Variants in PTPRD observed in about 807,000 individuals in gnomAD.
The protein encoded by PTPRD is protein tyrosine phosphatase receptor type D, also known as receptor-type tyrosine-protein phosphatase delta.
PTPRD carries 34 observed loss-of-function variants against 214.5 expected under a neutral mutation model. The observed-to-expected ratio is 0.16, with a 90% confidence interval of 0.12 to 0.21. The LOEUF (loss-of-function observed/expected upper bound fraction) is 0.21. PTPRD is among the 10% of genes least tolerant of loss of function. The pLI is 1.00. For missense variants in PTPRD, 2,545 were observed against 2,398.7 expected, an observed-to-expected ratio of 1.06 and a Z score of -1.27; for synonymous variants, 1,128 against 845.7, an observed-to-expected ratio of 1.33 and a Z score of -5.79.
intron 2 of PTPRD, among the ~76,000 whole-genome samples, chr9:10,507,131 C>A (rs1401412341): frequency 6.6e-6 from 1 of 152,070 alleles, no homozygotes; most frequent in African/African-American, 2.4e-5. Context: ...GCAAAAATCA[C>A]AAGCATTCTT....
intron 2 of PTPRD, among the ~76,000 whole-genome samples, chr9:10,439,966 G>A (rs992404607): frequency 3.3e-5 from 5 of 151,242 alleles, no homozygotes; most frequent in African/African-American, 1.2e-4. Flanking sequence ...GTAATATAAC[G>A]TTTGCATAAA....
At chr9:9,200,653 C>T (rs2099941326) in intron 9 of PTPRD, among the ~76,000 whole-genome samples, 1 of 152,180 alleles carries the variant, frequency 6.6e-6, no homozygotes, top group Admixed American at 6.5e-5. Flanking sequence ...CTCAGCAAAA[C>T]AATTGTAAAT....
chr9:8,746,352 C>T (rs1003059944), intron 11 of PTPRD, among the ~76,000 whole-genome samples: 3 of 152,110 alleles, frequency 2.0e-5, no homozygotes, highest in South Asian at 2.1e-4. Flanking sequence ...TAATAAAGTA[C>T]GAAAATTTCC....
chr9:9,748,794 G>C (rs564781355), intron 6 of PTPRD, among the ~76,000 whole-genome samples: 1 of 152,192 alleles, frequency 6.6e-6, no homozygotes, highest in Non-Finnish European at 1.5e-5. Context: ...TTCATTTGGA[G>C]ATTTATGTCA....
chr9:10,187,204 C>G (rs2099338315), intron 3 of PTPRD, among the ~76,000 whole-genome samples: 1 of 151,872 alleles, frequency 6.6e-6, no homozygotes, highest in Non-Finnish European at 1.5e-5. Flanking sequence ...ACCTTTCTGT[C>G]TCTTACAGCA....
At chr9:9,622,156 T>C (rs533374086) in intron 7 of PTPRD, among the ~76,000 whole-genome samples, 3 of 152,332 alleles carry the variant, frequency 2.0e-5, no homozygotes, top group Admixed American at 2.0e-4. Context: ...AAAAAGGCAC[T>C]AATGTTCTTC....
chr9:10,136,691 T>G (rs942049199), intron 3 of PTPRD, among the ~76,000 whole-genome samples: 1 of 91,104 alleles, frequency 1.1e-5, no homozygotes, highest in Non-Finnish European at 2.1e-5. Context: ...AAAGACAAAA[T>G]TGACAAATGG....
At chr9:8,427,218 G>A (rs1374852524) in intron 35 of PTPRD, among the ~76,000 whole-genome samples, 1 of 152,252 alleles carries the variant, frequency 6.6e-6, no homozygotes, top group African/African-American at 2.4e-5. Context: ...GCATTAAAAT[G>A]TAATCACTTC....
chr9:8,955,064 G>A (rs1436872033), intron 11 of PTPRD, among the ~76,000 whole-genome samples: 1 of 151,832 alleles, frequency 6.6e-6, no homozygotes, highest in Non-Finnish European at 1.5e-5. Context: ...AATTGATGGA[G>A]AGGAAACTTG....
chr9:9,917,846 T>C (rs2081378374), intron 5 of PTPRD, among the ~76,000 whole-genome samples: 1 of 151,956 alleles, frequency 6.6e-6, no homozygotes, highest in African/African-American at 2.4e-5. Context: ...AAGCCATTTA[T>C]CAATACATAC....
chr9:8,356,662 T>G (rs916441169), intron 39 of PTPRD, among the ~76,000 whole-genome samples: 1 of 152,206 alleles, frequency 6.6e-6, no homozygotes, highest in Non-Finnish European at 1.5e-5. Context: ...GTAATTTTAA[T>G]TCAGACCTCA....
At chr9:8,426,312 C>T (rs545966864) in intron 35 of PTPRD, among the ~76,000 whole-genome samples, 1 of 152,300 alleles carries the variant, frequency 6.6e-6, no homozygotes, top group East Asian at 1.9e-4. Context: ...CTAATTGGCC[C>T]AGTCAAAATA....
At chr9:8,944,671 T>A (rs1194391110) in intron 11 of PTPRD, among the ~76,000 whole-genome samples, 1 of 152,128 alleles carries the variant, frequency 6.6e-6, no homozygotes. Flanking sequence ...TTTTGCATGT[T>A]CACACTCATT....
At chr9:10,306,162 G>A (rs200102892) in intron 3 of PTPRD, among the ~76,000 whole-genome samples, 2 of 149,136 alleles carry the variant, frequency 1.3e-5, no homozygotes, top group African/African-American at 2.5e-5. Flanking sequence ...TTCAGCAAAC[G>A]AACACAAAAA....
rs1216815950 is a variant in PTPRD at position 9,056,103 on chromosome 9, T to C, written c.-142-37368A>G. On this transcript the variant is annotated intron_variant, in intron 10 of 45. Transcript: ENST00000381196. The stretch of plus-strand genomic sequence containing the variant: ...CCAAGTGAACATTATTGTTGTTTTC[T>C]AGACTATTAGTTGTTTTCTAGACTT... Among the ~76,000 whole-genome samples, 10 of 152,204 alleles carry C rather than the reference T, an allele frequency of 6.6e-5. 1 individual carries two copies. Among genetic ancestry groups the C allele is most frequent in the Admixed American group, 6.5e-4 (10 of 15,276 alleles).
At chr9:10,074,223 A>C (rs1052543997) in intron 3 of PTPRD, among the ~76,000 whole-genome samples, 3 of 152,124 alleles carry the variant, frequency 2.0e-5, no homozygotes, top group African/African-American at 7.2e-5. Context: ...GTGCCATTTA[A>C]GACCATGGGC....
intron 10 of PTPRD, among the ~76,000 whole-genome samples, chr9:9,045,533 T>C (rs1022989684): frequency 1.8e-4 from 28 of 152,282 alleles, no homozygotes; most frequent in African/African-American, 6.3e-4. Flanking sequence ...AAGGTAACAG[T>C]TGAAGTTGCA....
At chr9:8,752,928 A>T (rs1255055753) in intron 11 of PTPRD, among the ~76,000 whole-genome samples, 1 of 152,242 alleles carries the variant, frequency 6.6e-6, no homozygotes, top group African/African-American at 2.4e-5. Flanking sequence ...AAAGCTGACA[A>T]TACAAAAGTG....
intron 3 of PTPRD, among the ~76,000 whole-genome samples, chr9:10,056,213 C>T (rs1408821050): frequency 1.3e-5 from 2 of 151,544 alleles, no homozygotes; most frequent in African/African-American, 2.4e-5. Flanking sequence ...CCCAGCTAGT[C>T]AGCAGGCTGA....
Sources: gnomAD v4.1 joint callset for allele counts (sites outside exome capture counted in the v4.1 genomes callset) on GRCh38, gnomAD v4.1.1 for gene constraint, MANE v1.5 for transcripts, NCBI Gene and HGNC (gene_info 2026-07-23, HGNC 2026-07-21) for gene names.